KCNQ5: variants seen among roughly 807,000 people sequenced by gnomAD.
The protein encoded by KCNQ5 is potassium voltage-gated channel subfamily Q member 5, also known as potassium voltage-gated channel subfamily KQT member 5.
KCNQ5 carries 30 observed loss-of-function variants against 98.2 expected under a neutral mutation model. The observed-to-expected ratio is 0.31, with a 90% CI of 0.23 to 0.41. KCNQ5 has a LOEUF of 0.41. Among genes scored for constraint, KCNQ5 ranks in the 10% least tolerant of loss-of-function variants. The probability of loss-of-function intolerance (pLI) is 1.00; values close to 1 mark genes in which losing one functional copy is unlikely to be tolerated. For synonymous variants in KCNQ5, 458 were observed against 449.4 expected, an observed-to-expected ratio of 1.02 and a Z score of -0.24; for missense variants, 835 against 1,182.5, an observed-to-expected ratio of 0.71 and a Z score of 4.31.
intron 1 of KCNQ5, among the ~76,000 whole-genome samples, chr6:72,697,255 A>C (rs771852373): frequency 6.6e-6 from 1 of 152,242 alleles, no homozygotes; most frequent in South Asian, 2.1e-4. Flanking sequence ...GTCATTCCCC[A>C]TGTTCATTTA....
intron 1 of KCNQ5, among the ~76,000 whole-genome samples, chr6:72,832,609 C>A (rs1010087266): frequency 2.0e-5 from 3 of 152,160 alleles, no homozygotes; most frequent in African/African-American, 7.2e-5. Context: ...CAAACTGTCT[C>A]CTAAATTTGG....
At chr6:72,741,049 T>G (rs1014832440) in intron 1 of KCNQ5, among the ~76,000 whole-genome samples, 1 of 152,180 alleles carries the variant, frequency 6.6e-6, no homozygotes, top group African/African-American at 2.4e-5. Context: ...ACCTATAAAT[T>G]AGGGAAGAGA....
At chr6:72,684,827 T>C (rs1037700850) in intron 1 of KCNQ5, among the ~76,000 whole-genome samples, 9 of 152,120 alleles carry the variant, frequency 5.9e-5, no homozygotes, top group Non-Finnish European at 1.2e-4. Context: ...TGTGTGTGTA[T>C]GCATTTGTGT....
intron 1 of KCNQ5, among the ~76,000 whole-genome samples, chr6:72,650,424 G>A (rs768252829): frequency 6.6e-6 from 1 of 152,056 alleles, no homozygotes; most frequent in Non-Finnish European, 1.5e-5. Context: ...CTGACTTTCA[G>A]AATAGGTGCA....
At chr6:72,859,188 T>C (rs1048837689) in intron 1 of KCNQ5, among the ~76,000 whole-genome samples, 1 of 152,118 alleles carries the variant, frequency 6.6e-6, no homozygotes, top group Non-Finnish European at 1.5e-5. Context: ...AATAGAGTTG[T>C]ATTATAATAT....
chr6:73,042,781 G>T (rs764162276), intron 3 of KCNQ5, among the ~76,000 whole-genome samples: 1 of 152,032 alleles, frequency 6.6e-6, no homozygotes, highest in Non-Finnish European at 1.5e-5. Flanking sequence ...ATGCCATAGA[G>T]CATTCTGGAA....
intron 1 of KCNQ5, among the ~76,000 whole-genome samples, chr6:72,900,141 C>T (rs947120434): frequency 1.3e-5 from 2 of 151,954 alleles, no homozygotes; most frequent in African/African-American, 4.8e-5. Context: ...TGGCCTATTG[C>T]ACCATTCTTA....
chr6:73,129,611 A>G (rs907213578), intron 9 of KCNQ5, among the ~76,000 whole-genome samples: 1 of 152,242 alleles, frequency 6.6e-6, no homozygotes, highest in Admixed American at 6.5e-5. Context: ...AGCCGTTAAG[A>G]TCACTGGATA....
chr6:73,095,001 T>C (rs1022657361), intron 5 of KCNQ5, among the ~76,000 whole-genome samples: 8 of 152,226 alleles, frequency 5.3e-5, no homozygotes, highest in African/African-American at 1.9e-4. Context: ...TCCTCTGTTA[T>C]TCCCTGAAAT....
intron 1 of KCNQ5, among the ~76,000 whole-genome samples, chr6:72,959,210 G>A (rs550698159): frequency 6.6e-6 from 1 of 152,278 alleles, no homozygotes; most frequent in South Asian, 2.1e-4. Context: ...GGACAATAAC[G>A]ACCCTGCAAA....
At chr6:72,712,594 G>A (rs78113596) in intron 1 of KCNQ5, among the ~76,000 whole-genome samples, 2,339 of 152,218 alleles carry the variant, frequency 0.015, 49 homozygotes, top group African/African-American at 0.051. Context: ...GTGGATATAC[G>A]ATAACATCAT....
At chr6:72,752,873 A>C (rs1771756886) in intron 1 of KCNQ5, among the ~76,000 whole-genome samples, 1 of 152,164 alleles carries the variant, frequency 6.6e-6, no homozygotes, top group South Asian at 2.1e-4. Flanking sequence ...ACAGTAACAA[A>C]GGACAGGAAG....
rs143548947 is a variant in KCNQ5, at chr6:73,015,526, T to C, written c.489+11528T>C. 2.1e-3 allele frequency among the ~76,000 whole-genome samples: 319 copies of C among 152,240 alleles called. 2 individuals carry two copies. Among genetic ancestry groups the C allele is most frequent in the African/African-American group, 7.4e-3 (307 of 41,560 alleles). On this transcript the variant is annotated intron_variant, in intron 2 of 13. Coordinates refer to ENST00000370398, the MANE Select transcript of KCNQ5 (RefSeq NM_019842.4). ...AATTAAGGAAGGAAAGAATTTTCCA[T>C]ATTTTTATGCAAACATTGATGTCTA... is the stretch of plus-strand genomic sequence containing the variant.
At chr6:72,712,117 T>A (rs1357662339) in intron 1 of KCNQ5, among the ~76,000 whole-genome samples, 1 of 152,226 alleles carries the variant, frequency 6.6e-6, no homozygotes, top group Non-Finnish European at 1.5e-5. Flanking sequence ...CAGGAGGTAC[T>A]GAATACATGT....
At position 72,962,200 on chromosome 6, in the gene KCNQ5, T is replaced by C. The variant is rs984136797; in HGVS notation, c.399-41708T>C. On this transcript the variant is annotated intron_variant, in intron 1 of 13. Coordinates refer to ENST00000370398, the MANE Select transcript of KCNQ5 (RefSeq NM_019842.4). ...TTCTCTAAATATATATATATATATA[T>C]ACATATATATATATATACACACATA... 3.3e-3 allele frequency among the ~76,000 whole-genome samples: 334 copies of C among 99,960 alleles called. 2 individuals carry two copies. Among genetic ancestry groups the C allele is most frequent in the African/African-American group, 0.011 (319 of 30,138 alleles). The allele number at this position is 99,960 out of a possible 152,430, so 65.6% of individuals were successfully genotyped here.
chr6:72,793,386 A>T (rs1287826026), intron 1 of KCNQ5, among the ~76,000 whole-genome samples: 1 of 152,216 alleles, frequency 6.6e-6, no homozygotes, highest in Non-Finnish European at 1.5e-5. Flanking sequence ...AAACATGCCC[A>T]TATTATTATA....
At chr6:72,654,755 C>G (rs943268111) in intron 1 of KCNQ5, among the ~76,000 whole-genome samples, 33 of 151,952 alleles carry the variant, frequency 2.2e-4, no homozygotes, top group Non-Finnish European at 4.3e-4. Context: ...ATAGATTATT[C>G]TTGGCTTTTT....
chr6:73,151,951 T>C (rs4235874), intron 10 of KCNQ5, among the ~76,000 whole-genome samples: 111,841 of 152,022 alleles, frequency 0.74, 41,812 homozygotes, highest in East Asian at 0.89. Context: ...TAGTCCTATC[T>C]GGACCAATTT....
chr6:73,011,248 A>G (rs1057484256), intron 2 of KCNQ5, among the ~76,000 whole-genome samples: 3 of 152,114 alleles, frequency 2.0e-5, no homozygotes, highest in Non-Finnish European at 4.4e-5. Flanking sequence ...ACTGAACTAT[A>G]AAATGATTAA....
Sources: allele counts gnomAD v4.1 joint callset (sites outside exome capture counted in the v4.1 genomes callset), GRCh38; gene constraint gnomAD v4.1.1; transcripts MANE v1.5; gene names NCBI Gene and HGNC (gene_info 2026-07-23, HGNC 2026-07-21).